ZBTB44: variants seen among roughly 807,000 people sequenced by gnomAD.
ZBTB44 encodes zinc finger and BTB domain-containing protein 44.
A neutral mutation model predicts 54.0 loss-of-function variants in ZBTB44; 15 were observed. The observed-to-expected ratio is 0.28, with a 90% CI of 0.19 to 0.43. The LOEUF (loss-of-function observed/expected upper bound fraction) is 0.43, where lower values mean the gene tolerates loss of function less well. ZBTB44 is among the 20% of genes least tolerant of loss of function. The pLI is 1.00. For missense variants in ZBTB44, 487 were observed against 707.1 expected, an observed-to-expected ratio of 0.69 and a Z score of 3.53; for synonymous variants, 230 against 250.1, an observed-to-expected ratio of 0.92 and a Z score of 0.76.
intron 1 of ZBTB44, among the ~76,000 whole-genome samples, chr11:130,290,957 T>C (rs1280559720): frequency 3.3e-5 from 5 of 152,148 alleles, no homozygotes; most frequent in African/African-American, 1.2e-4. Context: ...CTCCCTGCTC[T>C]GCAAAATGAA....
At chr11:130,245,952 A>C (rs1954624472) in intron 2 of ZBTB44, among the ~76,000 whole-genome samples, 2 of 152,244 alleles carry the variant, frequency 1.3e-5, no homozygotes, top group African/African-American at 2.4e-5. Context: ...TCTACATTCT[A>C]AAATGTCTAG....
At chr11:130,233,823 AAAAAT>A (rs1953988266) in intron 6 of ZBTB44, 1 of 1,172,966 alleles carries the variant, frequency 8.5e-7, no homozygotes, top group Non-Finnish European at 1.1e-6. Flanking sequence ...CTCAGTTAGG[AAAAAT>A]AAAATCAGTT....
intron 1 of ZBTB44, among the ~76,000 whole-genome samples, chr11:130,269,793 T>A (rs1939538036): frequency 6.6e-6 from 1 of 152,200 alleles, no homozygotes; most frequent in Non-Finnish European, 1.5e-5. Context: ...CTTCTGTTTT[T>A]TTTCTCATCT....
At chr11:130,288,405 AT>A (rs201201241) in intron 1 of ZBTB44, among the ~76,000 whole-genome samples, 2,342 of 151,960 alleles carry the variant, frequency 0.015, 59 homozygotes, top group African/African-American at 0.051. Context: ...ATAAAATAAA[AT>A]AAAAAAATAA....
intron 2 of ZBTB44, among the ~76,000 whole-genome samples, chr11:130,244,443 G>A (rs370379550): frequency 6.6e-6 from 1 of 152,080 alleles, no homozygotes; most frequent in East Asian, 1.9e-4. Flanking sequence ...CGACGTGGGT[G>A]GATCACAAGG....
intron 2 of ZBTB44, among the ~76,000 whole-genome samples, chr11:130,246,894 CTT>C (rs1954670875): frequency 6.6e-6 from 1 of 152,138 alleles, no homozygotes; most frequent in African/African-American, 2.4e-5. Flanking sequence ...CTAAAAAACA[CTT>C]TTATTTGTGC....
intron 1 of ZBTB44, among the ~76,000 whole-genome samples, chr11:130,281,796 G>A (rs1940543004): frequency 6.6e-6 from 1 of 151,478 alleles, no homozygotes; most frequent in South Asian, 2.1e-4. Flanking sequence ...GGGTTTCGCC[G>A]GGGTTTCGCC....
chr11:130,284,988 C>T (rs929042893), intron 1 of ZBTB44: 2 of 153,976 alleles, frequency 1.3e-5, no homozygotes, highest in African/African-American at 4.8e-5. Flanking sequence ...TCATCACATC[C>T]ATATACACAA....
In ZBTB44 at chr11:130,261,136, C is replaced by T. The variant is rs758713720; in HGVS notation, c.738G>A (p.Lys246=). 6.2e-7 allele frequency: 1 copy of T among 1,613,988 alleles called. No individual in the cohort carries two copies. The highest frequency in any genetic ancestry group is 1.7e-5 in the Admixed American group (1 of 60,014). ...IDRRIQPEKV[K]QAENTRTLEL... ...CTAAAGTCCGGGTATTTTCTGCTTG[C>T]TTAACTTTCTCAGGCTGAATCCTTC... Residue 246 remains lysine (K), a synonymous_variant, in exon 2 of 8, where the codon AAG becomes AAA. Transcript: ENST00000357899. This position sits in a 1 kb window ranked among gnomAD's most constrained non-coding sequence, Gnocchi z 4.8.
chr11:130,264,556 G>A (rs1388312572), intron 1 of ZBTB44, among the ~76,000 whole-genome samples: 1 of 152,148 alleles, frequency 6.6e-6, no homozygotes, highest in African/African-American at 2.4e-5. Context: ...GAAATAAAAT[G>A]GCTCATGAGT....
intron 2 of ZBTB44, among the ~76,000 whole-genome samples, chr11:130,258,846 C>T (rs112880752): frequency 0.013 from 1,932 of 152,206 alleles, 17 homozygotes; most frequent in Middle Eastern, 0.02. Flanking sequence ...TTGCCTAGGC[C>T]ACTGATTATA....
chr11:130,252,922 T>TA (rs1435763793), intron 2 of ZBTB44, among the ~76,000 whole-genome samples: 5 of 152,168 alleles, frequency 3.3e-5, no homozygotes, highest in Admixed American at 6.5e-5. Context: ...TGCAAATCAA[T>TA]AAACGTAATC....
At chr11:130,299,436 C>A (rs574365110) in intron 1 of ZBTB44, among the ~76,000 whole-genome samples, 107 of 152,026 alleles carry the variant, frequency 7.0e-4, no homozygotes, top group African/African-American at 2.2e-3. Context: ...ACCTGTAATC[C>A]CAGCTACTTG....
intron 2 of ZBTB44, among the ~76,000 whole-genome samples, chr11:130,241,552 A>G (rs971283173): frequency 1.3e-5 from 2 of 152,164 alleles, no homozygotes; most frequent in African/African-American, 4.8e-5. Flanking sequence ...GTGAAATGCC[A>G]GAGTTGTCTG....
In ZBTB44 at chr11:130,278,650, G is replaced by A. The variant is rs75076288; in HGVS notation, c.-56-16721C>T. On this transcript the variant is annotated intron_variant, in intron 1 of 7. Transcript: ENST00000357899. ...TTATCTTATCTCTGTTCCTCAGTTT[G>A]CATAATTTCTATTGATCTATGTTCG... Among the ~76,000 whole-genome samples, 1,010 of 152,148 alleles carry A rather than the reference G, an allele frequency of 6.6e-3. 8 individuals carry two copies. The highest frequency in any genetic ancestry group is 0.022 in the African/African-American group (911 of 41,518).
At position 130,230,806 on chromosome 11, in the gene ZBTB44, A is replaced by C. The variant is rs948886476; in HGVS notation, c.*958T>G. The C allele has an allele frequency of 1.2e-4, 19 of 152,106 alleles. No homozygotes were observed. In the East Asian group the frequency reaches 3.7e-3, roughly 29 times the overall value. The allele number at this position is 152,106 out of a possible 1,614,324, so 9.4% of individuals were successfully genotyped here. ...CATGTTTGATGCTTCCACTATTAGA[A>C]TATACCCTTTAAACACGAAAAGAAC... On this transcript the variant is annotated 3_prime_UTR_variant, in exon 8 of 8. Transcript: ENST00000357899.
At position 130,228,903 on chromosome 11, in the gene ZBTB44, A is replaced by G. The variant is rs933079161; in HGVS notation, c.*2861T>C. Reference sequence around the variant, plus strand: ...AATTTAAACGAGAAAGGAACTAATAAAAGAATTTGACTTTATAAACCAGGT... The same window carrying G: ...AATTTAAACGAGAAAGGAACTAATAGAAGAATTTGACTTTATAAACCAGGT... On this transcript the variant is annotated 3_prime_UTR_variant, in exon 8 of 8. Coordinates refer to ENST00000357899, the MANE Select transcript of ZBTB44 (RefSeq NM_001301098.2). 1 of 152,230 alleles carries G rather than the reference A, an allele frequency of 6.6e-6. No individual in the cohort carries two copies. Among genetic ancestry groups the G allele is most frequent in the East Asian group, 1.9e-4 (1 of 5,200 alleles). The allele number at this position is 152,230 out of a possible 1,614,324, so 9.4% of individuals were successfully genotyped here. A position where few individuals can be genotyped will look rare whatever the true frequency, so the allele number is the denominator to read the frequency against.
At chr11:130,307,067 C>A (rs895055595) in intron 1 of ZBTB44, among the ~76,000 whole-genome samples, 2 of 146,848 alleles carry the variant, frequency 1.4e-5, no homozygotes, top group Middle Eastern at 3.6e-3. Context: ...AATCAAAGAA[C>A]AAGCAAAAAA....
chr11:130,309,021 CAACTT>C (rs779855731), intron 1 of ZBTB44, among the ~76,000 whole-genome samples: 9 of 152,208 alleles, frequency 5.9e-5, no homozygotes, highest in Non-Finnish European at 1.0e-4. Flanking sequence ...TTTCTGCACT[CAACTT>C]ATCACCAGAC....
Sources: gnomAD v4.1 joint callset for allele counts (sites outside exome capture counted in the v4.1 genomes callset) on GRCh38, gnomAD v4.1.1 for gene constraint, Gnocchi (gnomAD v3.1) non-coding constraint, MANE v1.5 for transcripts, NCBI Gene and HGNC (gene_info 2026-07-23, HGNC 2026-07-21) for gene names.